The following PDZRN4 variants were observed in gnomAD, a reference collection of about 807,000 sequenced individuals.
PDZRN4 encodes the protein PDZ domain-containing RING finger protein 4.
Under a neutral mutation model 99.0 loss-of-function variants are expected in PDZRN4, and 70 were observed. The observed-to-expected ratio is 0.71, with a 90% CI of 0.58 to 0.86. PDZRN4 has a LOEUF of 0.86. Ranked by LOEUF, PDZRN4 falls within the 40% of genes least tolerant of loss-of-function variation. The probability of loss-of-function intolerance (pLI) is 0.00; values close to 1 mark genes in which losing one functional copy is unlikely to be tolerated. For missense variants in PDZRN4, 1,474 were observed against 1,331.2 expected (o/e 1.11, Z -1.67); for synonymous variants, 551 against 501.6 (o/e 1.10, Z -1.32).
intron 3 of PDZRN4, chr12:41,412,343 T>C (rs1296896460): frequency 1.3e-5 from 2 of 152,146 alleles, no homozygotes; most frequent in African/African-American, 2.4e-5. Context: ...GCAAAGGGCA[T>C]GAGCGAGAAG....
At chr12:41,219,080 G>T (rs1036196447) in intron 3 of PDZRN4, among the ~76,000 whole-genome samples, 5 of 151,616 alleles carry the variant, frequency 3.3e-5, no homozygotes, top group African/African-American at 9.7e-5. Context: ...AAAATAAATG[G>T]TGTCTGATTT....
chr12:41,437,826 T>A (rs1392127784), intron 3 of PDZRN4: 3 of 1,586,022 alleles, frequency 1.9e-6, no homozygotes, highest in Non-Finnish European at 1.7e-6. Flanking sequence ...TCTGTGTTTC[T>A]GGACTGAAGT....
intron 3 of PDZRN4, among the ~76,000 whole-genome samples, chr12:41,225,872 A>C (rs763864582): frequency 2.6e-5 from 4 of 152,050 alleles, no homozygotes; most frequent in Admixed American, 6.6e-5. Flanking sequence ...GCCTTCTCCT[A>C]TCCTTCTGAG....
At chr12:41,487,280 C>T (rs1046823519) in intron 3 of PDZRN4, among the ~76,000 whole-genome samples, 6 of 150,524 alleles carry the variant, frequency 4.0e-5, no homozygotes, top group African/African-American at 7.3e-5. Flanking sequence ...ATGATGAAAA[C>T]GGAAGGGAAA....
intron 3 of PDZRN4, among the ~76,000 whole-genome samples, chr12:41,378,969 A>G (rs1952102519): frequency 1.3e-5 from 2 of 152,184 alleles, no homozygotes; most frequent in South Asian, 2.1e-4. Flanking sequence ...GTAGTAATCT[A>G]TAGTCTATCT....
At chr12:41,357,143 T>A (rs192263051) in intron 3 of PDZRN4, among the ~76,000 whole-genome samples, 36 of 152,000 alleles carry the variant, frequency 2.4e-4, no homozygotes, top group African/African-American at 8.4e-4. Flanking sequence ...CCTCTCTCTG[T>A]CTCTTTCTCT....
At chr12:41,412,307 G>C (rs1009802480) in intron 3 of PDZRN4, 14 of 152,184 alleles carry the variant, frequency 9.2e-5, no homozygotes, top group African/African-American at 3.4e-4. Flanking sequence ...CAGCACGAAG[G>C]AGAAAAGGGT....
chr12:41,384,120 T>C (rs1952147862), intron 3 of PDZRN4, among the ~76,000 whole-genome samples: 1 of 151,638 alleles, frequency 6.6e-6, no homozygotes, highest in Non-Finnish European at 1.5e-5. Flanking sequence ...CTATAGAGAC[T>C]AAGCTTTTCT....
chr12:41,390,804 C>T (rs1313054248), intron 3 of PDZRN4, among the ~76,000 whole-genome samples: 3 of 152,056 alleles, frequency 2.0e-5, no homozygotes, highest in Non-Finnish European at 2.9e-5. Flanking sequence ...ATAACTAATG[C>T]AAACAACTTG....
At chr12:41,195,967 G>T (rs547226364) in intron 3 of PDZRN4, among the ~76,000 whole-genome samples, 60 of 152,176 alleles carry the variant, frequency 3.9e-4, no homozygotes, top group Middle Eastern at 3.4e-3. Context: ...AGACACAACA[G>T]AAATACGTAT....
chr12:41,514,324 A>G (rs146991999), intron 5 of PDZRN4, among the ~76,000 whole-genome samples: 26 of 152,186 alleles, frequency 1.7e-4, no homozygotes, highest in African/African-American at 5.3e-4. Flanking sequence ...TCCTGGAGCT[A>G]GATCCCTGCA....
chr12:41,434,115 C>A (rs1458166), intron 3 of PDZRN4, among the ~76,000 whole-genome samples: 2 of 151,920 alleles, frequency 1.3e-5, no homozygotes, highest in African/African-American at 4.8e-5. Flanking sequence ...GAGTAATGAC[C>A]TTTTATTGTT....
intron 5 of PDZRN4, among the ~76,000 whole-genome samples, chr12:41,548,872 G>T (rs1359963052): frequency 6.6e-6 from 1 of 152,120 alleles, no homozygotes; most frequent in African/African-American, 2.4e-5. Flanking sequence ...TGATTAGAAA[G>T]ATGTTTCACA....
chr12:41,535,559 T>C (rs1372483172), intron 5 of PDZRN4, among the ~76,000 whole-genome samples: 4 of 152,208 alleles, frequency 2.6e-5, no homozygotes, highest in African/African-American at 7.2e-5. Flanking sequence ...ACTGTTTGAA[T>C]GTGTCCCCCA....
chr12:41,390,870 G>A (rs1952205939), intron 3 of PDZRN4, among the ~76,000 whole-genome samples: 1 of 152,094 alleles, frequency 6.6e-6, no homozygotes, highest in Non-Finnish European at 1.5e-5. Flanking sequence ...ACTATGAATA[G>A]TTTTATTTTT....
intron 3 of PDZRN4, among the ~76,000 whole-genome samples, chr12:41,403,882 G>A (rs1458161): frequency 6.6e-6 from 1 of 152,074 alleles, no homozygotes; most frequent in African/African-American, 2.4e-5. Context: ...CCAATAAATG[G>A]ATAAGTAGAA....
chr12:41,288,659 G>C (rs1428586465), intron 3 of PDZRN4, among the ~76,000 whole-genome samples: 1 of 152,066 alleles, frequency 6.6e-6, no homozygotes, highest in African/African-American at 2.4e-5. Context: ...CCTCACTGTT[G>C]TTATTTTATC....
At chr12:41,355,568 T>C (rs528324592) in intron 3 of PDZRN4, among the ~76,000 whole-genome samples, 1 of 152,228 alleles carries the variant, frequency 6.6e-6, no homozygotes, top group African/African-American at 2.4e-5. Context: ...TTCCATTTAA[T>C]AACAAAACAT....
intron 3 of PDZRN4, among the ~76,000 whole-genome samples, chr12:41,202,426 A>T (rs1950823089): frequency 6.6e-6 from 1 of 152,110 alleles, no homozygotes; most frequent in East Asian, 1.9e-4. Context: ...TTTTCTAAAA[A>T]TCATTATTCT....
Sources: allele counts gnomAD v4.1 joint callset (sites outside exome capture counted in the v4.1 genomes callset), GRCh38; gene constraint gnomAD v4.1.1; transcripts MANE v1.5; gene names NCBI Gene and HGNC (gene_info 2026-07-23, HGNC 2026-07-21).